Variants in ERC1 observed in about 807,000 individuals in gnomAD.
ERC1 encodes the protein ELKS/RAB6-interacting/CAST family member 1, also known as RAB6 interacting protein 2.
In ERC1, 56 loss-of-function variants were observed where a neutral mutation model predicts 132.0. That is an observed-to-expected ratio of 0.42 (90% CI 0.34 to 0.53). The LOEUF is 0.53. Ranked by LOEUF, ERC1 falls within the 20% of genes least tolerant of loss-of-function variation. The probability of loss-of-function intolerance (pLI) is 0.03; values close to 1 mark genes in which losing one functional copy is unlikely to be tolerated. For missense variants in ERC1, 1,202 were observed against 1,349.9 expected (o/e 0.89, Z 1.72); for synonymous variants, 478 against 476.1 (o/e 1.00, Z -0.05).
intron 2 of ERC1, among the ~76,000 whole-genome samples, chr12:1,080,800 CAT>C (rs1267149425): frequency 2.0e-5 from 3 of 152,120 alleles, no homozygotes; most frequent in African/African-American, 7.2e-5. Flanking sequence ...CCTTTTGCCT[CAT>C]ACCGTGATTC....
intron 7 of ERC1, among the ~76,000 whole-genome samples, chr12:1,123,655 A>C (rs1432002845): frequency 2.0e-5 from 3 of 152,238 alleles, no homozygotes; most frequent in Non-Finnish European, 4.4e-5. Flanking sequence ...GTAGATCAAG[A>C]AAATATAACC....
At position 1,260,875 on chromosome 12, in the gene ERC1, T is replaced by C. The variant is rs1217416864; in HGVS notation, c.2488-2159T>C. Among the ~76,000 whole-genome samples the C allele has an allele frequency of 4.6e-5, 7 of 152,362 alleles. No homozygotes were observed. The East Asian group carries it at 1.3e-3, about 29-fold the overall frequency. ...CAGCCATTTCCTTTTATTTGTAGTT[T>C]CACTTGGCTTTTGTTTTTCATCCTT... On this transcript the variant is annotated intron_variant, in intron 13 of 18. Coordinates refer to ENST00000360905, the MANE Select transcript of ERC1 (RefSeq NM_178040.4).
rs376603885 is a variant in ERC1 at position 1,125,094 on chromosome 12, A to G, written c.1569+9061A>G. ...ACTGCAACCTCCACCTCTCAAGTTC[A>G]TGTGATTCTCCTGTCCCAGCCTCCC... On this transcript the variant is annotated intron_variant, in intron 7 of 18. Transcript: ENST00000360905. 9.2e-5 allele frequency among the ~76,000 whole-genome samples: 14 copies of G among 151,954 alleles called. 1 individual carries two copies. In the South Asian group the frequency reaches 1.7e-3, roughly 18 times the overall value.
chr12:1,333,536 T>G (rs7972088), intron 15 of ERC1, among the ~76,000 whole-genome samples: 56,652 of 151,708 alleles, frequency 0.37, 10,836 homozygotes, highest in Middle Eastern at 0.43. Flanking sequence ...TTTCACCATG[T>G]TGGCCACGGT....
At chr12:1,133,374 T>A (rs999757809) in intron 7 of ERC1, among the ~76,000 whole-genome samples, 4 of 152,212 alleles carry the variant, frequency 2.6e-5, no homozygotes, top group African/African-American at 9.7e-5. Context: ...CCAGATTCAG[T>A]AAGCACCTTC....
At chr12:1,094,386 C>A (rs1943728792) in intron 3 of ERC1, among the ~76,000 whole-genome samples, 1 of 147,148 alleles carries the variant, frequency 6.8e-6, no homozygotes, top group African/African-American at 2.5e-5. Flanking sequence ...AGTTGCATAC[C>A]TTATTTATTT....
At position 1,122,583 on chromosome 12, in the gene ERC1, ATCTCTATCTC is replaced by A. The variant is rs1566021532; in HGVS notation, c.1569+6552_1569+6561del. ...TATCTCTATCTGTGTCTCTATCTCT[ATCTCTATCTC>A]TATCTGTGTCTCTATCTCTATCTCT... On this transcript the variant is annotated intron_variant, in intron 7 of 18. Transcript: ENST00000360905. Among the ~76,000 whole-genome samples the A allele has an allele frequency of 1.5e-3, 11 of 7,158 alleles. 2 individuals carry two copies. The highest frequency in any genetic ancestry group is 4.2e-3 in the Admixed American group (2 of 472). The allele number at this position is 7,158 out of a possible 152,430, so 4.7% of individuals were successfully genotyped here. A position where few individuals can be genotyped will look rare whatever the true frequency, so the allele number is the denominator to read the frequency against.
At chr12:1,196,838 C>CTCTCTCTCTCTG (rs1555299913) in intron 12 of ERC1, among the ~76,000 whole-genome samples, 4 of 99,402 alleles carry the variant, frequency 4.0e-5, no homozygotes, top group African/African-American at 1.4e-4. Flanking sequence ...CTCTGTCTGT[C>CTCTCTCTCTCTG]TCTCTGTCTG....
intron 16 of ERC1, among the ~76,000 whole-genome samples, chr12:1,378,618 T>C (rs895895530): frequency 2.0e-5 from 3 of 152,330 alleles, no homozygotes; most frequent in African/African-American, 7.2e-5. Context: ...ATACATGATG[T>C]AGAATTTCAA....
chr12:1,159,644 T>A (rs944323023), intron 8 of ERC1, among the ~76,000 whole-genome samples: 3 of 152,244 alleles, frequency 2.0e-5, no homozygotes, highest in Non-Finnish European at 2.9e-5. Context: ...CTCAATATCC[T>A]ACGTGAAGTA....
intron 18 of ERC1, among the ~76,000 whole-genome samples, chr12:1,469,422 C>A (rs1030023051): frequency 2.0e-5 from 3 of 152,190 alleles, no homozygotes; most frequent in Non-Finnish European, 4.4e-5. Flanking sequence ...TCCCTTGGCT[C>A]CTTCGGAGGG....
At chr12:1,191,337 T>C (rs1221768341) in intron 12 of ERC1, among the ~76,000 whole-genome samples, 1 of 152,164 alleles carries the variant, frequency 6.6e-6, no homozygotes, top group Admixed American at 6.5e-5. Context: ...CCTCACCCAT[T>C]ACGTGCTTAC....
intron 1 of ERC1, among the ~76,000 whole-genome samples, chr12:1,004,062 C>T (rs1962991020): frequency 6.6e-6 from 1 of 152,138 alleles, no homozygotes; most frequent in Non-Finnish European, 1.5e-5. Context: ...AAGAGGTGAC[C>T]TGGGAGAGCT....
intron 7 of ERC1, among the ~76,000 whole-genome samples, chr12:1,135,207 ATC>A (rs1949136018): frequency 6.6e-6 from 1 of 152,150 alleles, no homozygotes; most frequent in South Asian, 2.1e-4. Context: ...TTGCCCTGAT[ATC>A]TTATTTTCTG....
Position 1,058,104 on chromosome 12 carries a change from G to A in ERC1, c.670-25060G>A, listed in dbSNP as rs577626475. On this transcript the variant is annotated intron_variant, in intron 2 of 18. Coordinates refer to ENST00000360905, the MANE Select transcript of ERC1 (RefSeq NM_178040.4). ...ATATTAGTCCCTTCTCGGATGCATAGTTTGCAGATGTTTTCTCTCATTCTG... is the reference window on the plus strand; with the variant it reads ...ATATTAGTCCCTTCTCGGATGCATAATTTGCAGATGTTTTCTCTCATTCTG... Among the ~76,000 whole-genome samples the A allele has an allele frequency of 7.2e-4, 109 of 152,068 alleles. 1 individual carries two copies. In the Middle Eastern group the frequency reaches 0.01, roughly 14 times the overall value.
At chr12:1,039,347 A>AAT (rs1025647608) in intron 2 of ERC1, among the ~76,000 whole-genome samples, 21 of 149,526 alleles carry the variant, frequency 1.4e-4, no homozygotes, top group African/African-American at 4.9e-4. Context: ...CAAAAAAAAA[A>AAT]AAAAATAAAA....
intron 12 of ERC1, among the ~76,000 whole-genome samples, chr12:1,219,466 G>A (rs974880044): frequency 6.6e-6 from 1 of 151,954 alleles, no homozygotes; most frequent in African/African-American, 2.4e-5. Context: ...AAATCTATTA[G>A]TAAGCCCGAT....
chr12:1,405,945 T>A (rs1180226074), intron 16 of ERC1, among the ~76,000 whole-genome samples: 2 of 152,156 alleles, frequency 1.3e-5, no homozygotes, highest in African/African-American at 4.8e-5. Flanking sequence ...TATATACATA[T>A]GTATATATAC....
intron 1 of ERC1, among the ~76,000 whole-genome samples, chr12:1,014,736 A>G (rs1411180463): frequency 3.9e-5 from 6 of 152,066 alleles, no homozygotes; most frequent in Non-Finnish European, 5.9e-5. Context: ...TCTTAGATAT[A>G]GATATTTACT....
Sources: allele counts gnomAD v4.1 joint callset (sites outside exome capture counted in the v4.1 genomes callset), GRCh38; gene constraint gnomAD v4.1.1; transcripts MANE v1.5; gene names NCBI Gene and HGNC (gene_info 2026-07-23, HGNC 2026-07-21).